The following TRDN variants were observed in gnomAD, a reference collection of about 807,000 sequenced individuals.
The protein encoded by TRDN is triadin in skeletal muscle.
In TRDN, 161 loss-of-function variants were observed where a neutral mutation model predicts 149.7. The ratio of observed to expected loss-of-function variants is 1.08; its 90% CI spans 0.95 to 1.23. The LOEUF is 1.23. Among genes scored for constraint, TRDN ranks in the 50% most tolerant of loss-of-function variants. The pLI is 0.00. For synonymous variants in TRDN, 294 were observed against 250.5 expected (o/e 1.17, Z -1.64); for missense variants, 896 against 823.5 (o/e 1.09, Z -1.08).
chr6:123,344,996 CAT>C (rs1381027274), intron 21 of TRDN, among the ~76,000 whole-genome samples: 1 of 151,992 alleles, frequency 6.6e-6, no homozygotes, highest in African/African-American at 2.4e-5. Flanking sequence ...AATCTAATGA[CAT>C]GTTATGTTGA....
chr6:123,354,460 T>A (rs1040035729), intron 20 of TRDN, among the ~76,000 whole-genome samples: 1 of 151,868 alleles, frequency 6.6e-6, no homozygotes, highest in African/African-American at 2.4e-5. Flanking sequence ...CAAACTCCTG[T>A]TTATTCATCC....
At chr6:123,540,448 A>T (rs1780770144) in intron 4 of TRDN, among the ~76,000 whole-genome samples, 1 of 152,312 alleles carries the variant, frequency 6.6e-6, no homozygotes, top group South Asian at 2.1e-4. Flanking sequence ...TTAAAAAAAA[A>T]AAACTATATC....
At chr6:123,542,352 C>T (rs1460576185) in intron 4 of TRDN, among the ~76,000 whole-genome samples, 1 of 152,062 alleles carries the variant, frequency 6.6e-6, no homozygotes, top group Non-Finnish European at 1.5e-5. Flanking sequence ...AACCTATAGC[C>T]CATAAGGCCA....
intron 19 of TRDN, among the ~76,000 whole-genome samples, chr6:123,366,522 C>A (rs770837647): frequency 6.6e-6 from 1 of 151,754 alleles, no homozygotes; most frequent in East Asian, 1.9e-4. Flanking sequence ...TATTAGTCTA[C>A]AATTTTTTTT....
intron 1 of TRDN, among the ~76,000 whole-genome samples, chr6:123,623,795 A>G (rs1469106994): frequency 4.6e-5 from 7 of 152,046 alleles, no homozygotes. Context: ...GACCAACCAA[A>G]TCCATCCATT....
intron 1 of TRDN, among the ~76,000 whole-genome samples, chr6:123,590,116 G>T (rs1399507593): frequency 6.6e-6 from 1 of 152,032 alleles, no homozygotes; most frequent in East Asian, 1.9e-4. Flanking sequence ...CCCAGGCCAC[G>T]GACCCATTAG....
chr6:123,616,528 T>C (rs1213348492), intron 1 of TRDN, among the ~76,000 whole-genome samples: 1 of 152,214 alleles, frequency 6.6e-6, no homozygotes, highest in Non-Finnish European at 1.5e-5. Context: ...GTATACTTCA[T>C]ATTTATTCAT....
chr6:123,238,768 A>G (rs971272494), intron 38 of TRDN, among the ~76,000 whole-genome samples: 4 of 152,200 alleles, frequency 2.6e-5, no homozygotes, highest in African/African-American at 9.6e-5. Flanking sequence ...ATAGATTCAG[A>G]TAAAATATTA....
chr6:123,316,330 C>A (rs1779019673), intron 24 of TRDN, 127 bp downstream of exon 24: 1 of 841,058 alleles, frequency 1.2e-6, no homozygotes, highest in Non-Finnish European at 1.9e-6. Context: ...CACATAGCAT[C>A]AGTATTTTTT....
chr6:123,554,477 T>C (rs1781549952), intron 2 of TRDN, among the ~76,000 whole-genome samples: 1 of 152,180 alleles, frequency 6.6e-6, no homozygotes, highest in Admixed American at 6.5e-5. Context: ...TTTTCTCCCT[T>C]TCTGTAAATA....
At chr6:123,492,570 G>T (rs932752220) in intron 9 of TRDN, among the ~76,000 whole-genome samples, 1 of 151,964 alleles carries the variant, frequency 6.6e-6, no homozygotes, top group African/African-American at 2.4e-5. Context: ...ATCCTGATGT[G>T]TTTTCTTAAA....
chr6:123,446,304 T>G (rs1775348525), intron 10 of TRDN, among the ~76,000 whole-genome samples: 1 of 151,896 alleles, frequency 6.6e-6, no homozygotes, highest in Non-Finnish European at 1.5e-5. Context: ...AGTTAGTGGG[T>G]GCAGCGCACC....
intron 9 of TRDN, chr6:123,470,295 G>T (rs1178363550): frequency 1.3e-5 from 2 of 152,168 alleles, no homozygotes; most frequent in African/African-American, 4.8e-5. Flanking sequence ...TGAGGGGACA[G>T]ACAGGAAACA....
At chr6:123,490,022 A>G (rs184820107) in intron 9 of TRDN, among the ~76,000 whole-genome samples, 69 of 152,326 alleles carry the variant, frequency 4.5e-4, no homozygotes, top group African/African-American at 1.5e-3. Flanking sequence ...TAAATGAATC[A>G]GAAGATGAAT....
In TRDN at chr6:123,591,628, T is replaced by C. The variant is rs142959008; in HGVS notation, c.23-20496A>G. ...AACCTCTATCTTTCTGGACTGAGTA[T>C]ACACATCTCACGAAGGAAATACACG... On this transcript the variant is annotated intron_variant, in intron 1 of 40. Coordinates refer to ENST00000334268, the MANE Select transcript of TRDN (RefSeq NM_006073.4). Among the ~76,000 whole-genome samples, 731 of 152,330 alleles carry C rather than the reference T, an allele frequency of 4.8e-3. 5 individuals are homozygous for C. Among genetic ancestry groups the C allele is most frequent in the African/African-American group, 0.017 (697 of 41,572 alleles).
rs537491297 is a variant in TRDN, at chr6:123,518,382, G to A, written c.485-2176C>T. ...AGCAGAAAACCAAGAGAAAATCTTG[G>A]CAAAAACAAAGCGTCTTTTAAAGTT... On this transcript the variant is annotated intron_variant, in intron 5 of 40. Transcript: ENST00000334268. 5.3e-5 allele frequency among the ~76,000 whole-genome samples: 8 copies of A among 152,170 alleles called. No individual in the cohort carries two copies. The South Asian group carries it at 1.7e-3, about 32-fold the overall frequency.
chr6:123,565,252 T>G (rs1009900527), intron 2 of TRDN, among the ~76,000 whole-genome samples: 4 of 152,146 alleles, frequency 2.6e-5, no homozygotes, highest in Admixed American at 1.3e-4. Context: ...GAAGGGAAGA[T>G]CTCCGGCAGC....
chr6:123,382,102 G>T lies in TRDN; in HGVS notation c.1165+16C>A. The stretch of plus-strand genomic sequence containing the variant: ...TCATCAAACATAAGGCAGAAAAAAA[G>T]AAATATGTCCAGTACCTTCTGCAGG... On this transcript the variant is annotated intron_variant, in intron 15 of 40. Transcript: ENST00000334268. 1 of 1,467,918 alleles carries T rather than the reference G, an allele frequency of 6.8e-7. No homozygotes were observed. The highest frequency in any genetic ancestry group is 9.0e-7 in the Non-Finnish European group (1 of 1,109,748). The allele number at this position is 1,467,918 out of a possible 1,614,324, so 90.9% of individuals were successfully genotyped here. A position where few individuals can be genotyped will look rare whatever the true frequency, so the allele number is the denominator to read the frequency against.
At chr6:123,311,301 A>T (rs1460666951) in intron 24 of TRDN, among the ~76,000 whole-genome samples, 1 of 151,898 alleles carries the variant, frequency 6.6e-6, no homozygotes, top group African/African-American at 2.4e-5. Flanking sequence ...GCATGGGGGA[A>T]ATCGCCCCCA....
Sources: gnomAD v4.1 joint callset for allele counts (sites outside exome capture counted in the v4.1 genomes callset) on GRCh38, gnomAD v4.1.1 for gene constraint, MANE v1.5 for transcripts, NCBI Gene and HGNC (gene_info 2026-07-23, HGNC 2026-07-21) for gene names.